The following KHNYN variants were observed in gnomAD, a reference collection of about 807,000 sequenced individuals.
KHNYN encodes the protein protein KHNYN.
In KHNYN, 42 loss-of-function variants were observed where a neutral mutation model predicts 62.7. That is an observed-to-expected ratio of 0.67 (90% CI 0.52 to 0.87). The LOEUF (loss-of-function observed/expected upper bound fraction) is 0.87. KHNYN is among the 40% of genes least tolerant of loss of function. The pLI is 0.00. For synonymous variants in KHNYN, 347 were observed against 345.6 expected, an observed-to-expected ratio of 1.00 and a Z score of -0.04; for missense variants, 829 against 874.1, an observed-to-expected ratio of 0.95 and a Z score of 0.65.
rs2043132458 is a variant in KHNYN, at chr14:24,432,277, G to A, written c.1016G>A (p.Arg339Gln). ...TCCTGTCACAGGGCAGCTCAGTCCC[G>A]AGGAGCCTCCCTCCTCCAGCGGCTC... ...HGSCHRAAQS[R>Q]GASLLQRLHN... The change falls in exon 3 of 8, where the codon CGA (arginine) becomes CAA (glutamine). Residue 339 changes from arginine (R) to glutamine (Q), a missense_variant. Arg to Gln is a conservative substitution (Grantham distance 43, BLOSUM62 1). This residue lies in a region of KHNYN where 559 missense variants were observed against 527.0 expected (regional missense o/e 1.06). Transcript: ENST00000553935. The surrounding 1 kb of genome is among the most constrained non-coding windows in gnomAD (Gnocchi z 5.6). The A allele has an allele frequency of 3.7e-6, 6 of 1,613,628 alleles. No individual in the cohort carries two copies. Among genetic ancestry groups the A allele is most frequent in the Non-Finnish European group, 3.4e-6 (4 of 1,179,820 alleles).
In KHNYN at chr14:24,430,035, C is replaced by G; in HGVS notation, c.-102C>G. On this transcript the variant is annotated 5_prime_UTR_variant, in exon 1 of 8. Transcript: ENST00000553935. Reference sequence around the variant, plus strand: ...CCCGCCCAGATTCGGGCCCCCTGCCCTTGTCCCCTGGGCTGGGGGCGCGGG... The same window carrying G: ...CCCGCCCAGATTCGGGCCCCCTGCCGTTGTCCCCTGGGCTGGGGGCGCGGG... 1 of 985,680 alleles carries G rather than the reference C, an allele frequency of 1.0e-6. No homozygotes were observed. Among genetic ancestry groups the G allele is most frequent in the Non-Finnish European group, 1.2e-6 (1 of 830,068 alleles). 61.1% of individuals were successfully genotyped at this position (985,680 alleles called of 1,614,324 possible). A position where few individuals can be genotyped will look rare whatever the true frequency, so the allele number is the denominator to read the frequency against.
rs2043310389 is a variant in KHNYN at position 24,440,763 on chromosome 14, T to C, written c.*3478T>C. Reference sequence around the variant, plus strand: ...GAGAAGACATTCCAACCCTGTCTGATACCCAGGCCCGTTTCTCACCTGAGC... The same window carrying C: ...GAGAAGACATTCCAACCCTGTCTGACACCCAGGCCCGTTTCTCACCTGAGC... On this transcript the variant is annotated 3_prime_UTR_variant, in exon 8 of 8. Coordinates refer to ENST00000553935, the MANE Select transcript of KHNYN (RefSeq NM_015299.3). 2.5e-6 allele frequency: 4 copies of C among 1,612,532 alleles called. No individual in the cohort carries two copies. Among genetic ancestry groups the C allele is most frequent in the Non-Finnish European group, 3.4e-6 (4 of 1,179,020 alleles).
intron 1 of KHNYN, chr14:24,430,363 C>T: frequency 2.2e-6 from 2 of 925,784 alleles, no homozygotes; most frequent in Non-Finnish European, 1.3e-6. Context: ...GTTCAATCCC[C>T]TGCTGAGGAT....
In KHNYN at chr14:24,432,328, G is replaced by C. The variant is rs1388482618; in HGVS notation, c.1067G>C (p.Arg356Thr). The change falls in exon 3 of 8, where the codon AGG becomes ACG. Residue 356 changes from arginine (R) to threonine (T), a missense_variant. Coordinates refer to ENST00000553935, the MANE Select transcript of KHNYN (RefSeq NM_015299.3). The surrounding 1 kb of genome is among the most constrained non-coding windows in gnomAD (Gnocchi z 5.6). ...CACAATGGGAATGCCTCTCCTCCGA[G>C]GGTGCCCAGCCCTCCACCTGCACCG... is the stretch of plus-strand genomic sequence containing the variant. ...RLHNGNASPP[R>T]VPSPPPAPEP... The C allele has an allele frequency of 1.9e-6, 3 of 1,614,060 alleles. No individual in the cohort carries two copies. The highest frequency in any genetic ancestry group is 2.5e-6 in the Non-Finnish European group (3 of 1,179,992).
In KHNYN at chr14:24,441,111, C is replaced by T. The variant is rs112035490; in HGVS notation, c.*3826C>T. 4 of 728,522 alleles carry T rather than the reference C, an allele frequency of 5.5e-6. No individual in the cohort carries two copies. Among genetic ancestry groups the T allele is most frequent in the East Asian group, 5.5e-5 (2 of 36,390 alleles). The allele number at this position is 728,522 out of a possible 1,614,324, so 45.1% of individuals were successfully genotyped here. On this transcript the variant is annotated 3_prime_UTR_variant, in exon 8 of 8. Coordinates refer to ENST00000553935, the MANE Select transcript of KHNYN (RefSeq NM_015299.3). The stretch of plus-strand genomic sequence containing the variant: ...GAAGCGTTCCTTCCCTGGAGGAACT[C>T]TGGTTGCAGGGCTAAACTTAGAGGC...
chr14:24,429,523 C>A (rs2043065411), upstream of KHNYN: 2 of 447,334 alleles, frequency 4.5e-6, no homozygotes, highest in South Asian at 3.4e-5. Context: ...AAATCAACAG[C>A]CCTTCTTCGT....
upstream of KHNYN, chr14:24,429,481 C>T: frequency 2.1e-6 from 1 of 470,682 alleles, no homozygotes; most frequent in South Asian, 1.6e-5. Flanking sequence ...CAACCCCTTC[C>T]TCCTACTCTT....
chr14:24,428,879 G>A (rs776663495), upstream of KHNYN: 7 of 1,602,388 alleles, frequency 4.4e-6, no homozygotes, highest in Admixed American at 1.7e-5. Flanking sequence ...TGCTCCCCCG[G>A]GCCCCCCTGC....
At chr14:24,428,325 C>A, upstream of KHNYN, 2 of 1,613,916 alleles carry the variant, frequency 1.2e-6, no homozygotes, top group Middle Eastern at 1.6e-4. Context: ...CCACATGGAA[C>A]CGGAAGCTGT....
Position 24,437,381 on chromosome 14 carries a change from G to T in KHNYN, c.*96G>T. 1.4e-6 allele frequency: 2 copies of T among 1,443,718 alleles called. No homozygotes were observed. The highest frequency in any genetic ancestry group is 1.9e-6 in the Non-Finnish European group (2 of 1,072,168). The allele number at this position is 1,443,718 out of a possible 1,614,324, so 89.4% of individuals were successfully genotyped here. On this transcript the variant is annotated 3_prime_UTR_variant, in exon 8 of 8. Coordinates refer to ENST00000553935, the MANE Select transcript of KHNYN (RefSeq NM_015299.3). The surrounding 1 kb of genome is among the most constrained non-coding windows in gnomAD (Gnocchi z 5.5). ...TCCCTCTGCTGCTCACTCTGATCCA[G>T]AGGCACCCTGAGTTGGTGCTTTGGA...
chr14:24,437,064 C>G lies in KHNYN; in HGVS notation c.1816C>G (p.Pro606Ala). Residue 606 changes from proline (P) to alanine (A), a missense_variant, in exon 8 of 8, where the codon CCT becomes GCT. Transcript: ENST00000553935. This position sits in a 1 kb window ranked among gnomAD's most constrained non-coding sequence, Gnocchi z 5.5. ...RTQGSSKAQH[P>A]SRGFAEHGKQ... Reference sequence around the variant, plus strand: ...ACAGGGGTCTTCTAAGGCTCAGCATCCTTCCAGGGGCTTTGCAGAACATGG... The same window carrying G: ...ACAGGGGTCTTCTAAGGCTCAGCATGCTTCCAGGGGCTTTGCAGAACATGG... The G allele has an allele frequency of 6.2e-7, 1 of 1,614,150 alleles. No homozygotes were observed. The highest frequency in any genetic ancestry group is 8.5e-7 in the Non-Finnish European group (1 of 1,180,020).
intron 5 of KHNYN, chr14:24,434,168 G>C (rs932903751): frequency 1.0e-6 from 1 of 984,998 alleles, no homozygotes; most frequent in Non-Finnish European, 1.2e-6. Flanking sequence ...TGAAACTGAA[G>C]ATTGAGTTCG....
Position 24,439,948 on chromosome 14 carries a change from GAAC to G in KHNYN, c.*2666_*2668del, listed in dbSNP as rs1322608706. Reference sequence around the variant, plus strand: ...CTTGAGACAATAAGGTGGAGCAACAGAACAATGGGAAAGAGGACTGGGAGAGGA... The same window carrying G: ...CTTGAGACAATAAGGTGGAGCAACAGAATGGGAAAGAGGACTGGGAGAGGA... On this transcript the variant is annotated 3_prime_UTR_variant, in exon 8 of 8. Coordinates refer to ENST00000553935, the MANE Select transcript of KHNYN (RefSeq NM_015299.3). 11 of 695,912 alleles carry G rather than the reference GAAC, an allele frequency of 1.6e-5. No individual in the cohort carries two copies. The highest frequency in any genetic ancestry group is 2.6e-5 in the Non-Finnish European group (11 of 426,452). 43.1% of individuals were successfully genotyped at this position (695,912 alleles called of 1,614,324 possible).
Position 24,432,267 on chromosome 14 carries a change from G to C in KHNYN, c.1006G>C (p.Ala336Pro), listed in dbSNP as rs201147706. The C allele has an allele frequency of 6.4e-5, 103 of 1,613,368 alleles. No individual in the cohort carries two copies. The highest frequency in any genetic ancestry group is 8.6e-5 in the Non-Finnish European group (102 of 1,179,584). The change falls in exon 3 of 8, where the codon GCT becomes CCT. Residue 336 changes from alanine (A) to proline (P), a missense_variant. Physicochemically the swap from Ala to Pro is conservative, Grantham distance 27 (BLOSUM62 -1). Around this residue, in one of 2 missense-constraint regions of KHNYN, gnomAD observed 559 missense variants for 527.0 expected, o/e 1.06. Transcript: ENST00000553935. The surrounding 1 kb of genome is among the most constrained non-coding windows in gnomAD (Gnocchi z 5.6). ...TGCCCATGGCTCCTGTCACAGGGCA[G>C]CTCAGTCCCGAGGAGCCTCCCTCCT... ...PGAHGSCHRA[A>P]QSRGASLLQR...
chr14:24,423,467 G>A, the KHNYN span, among the ~76,000 whole-genome samples: 1 of 152,116 alleles, frequency 6.6e-6, no homozygotes, highest in Non-Finnish European at 1.5e-5. Flanking sequence ...AAGCAGAGAT[G>A]GGGAGGAAGG....
chr14:24,428,266 G>T, upstream of KHNYN: 1 of 1,612,608 alleles, frequency 6.2e-7, no homozygotes, highest in South Asian at 1.1e-5. Context: ...GCCGGGGATG[G>T]GGGCCAGTGC....
chr14:24,435,914 T>C (rs1441049725), intron 5 of KHNYN, 158 bp from the exon 6 acceptor site: 5 of 632,400 alleles, frequency 7.9e-6, no homozygotes, highest in Non-Finnish European at 1.4e-5. Flanking sequence ...TACTTTTATT[T>C]TTGTAGATTT....
Position 24,430,056 on chromosome 14 carries a change from G to T in KHNYN, c.-81G>T. The T allele has an allele frequency of 1.0e-6, 1 of 985,428 alleles. No homozygotes were observed. The highest frequency in any genetic ancestry group is 1.2e-6 in the Non-Finnish European group (1 of 829,962). 61.0% of individuals were successfully genotyped at this position (985,428 alleles called of 1,614,324 possible). A position where few individuals can be genotyped will look rare whatever the true frequency, so the allele number is the denominator to read the frequency against. On this transcript the variant is annotated 5_prime_UTR_variant, in exon 1 of 8. Coordinates refer to ENST00000553935, the MANE Select transcript of KHNYN (RefSeq NM_015299.3). Reference sequence around the variant, plus strand: ...TGCCCTTGTCCCCTGGGCTGGGGGCGCGGGCAAAGCGGGGGCCTGGCGGGC... The same window carrying T: ...TGCCCTTGTCCCCTGGGCTGGGGGCTCGGGCAAAGCGGGGGCCTGGCGGGC...
In KHNYN at chr14:24,429,956, T is replaced by A; in HGVS notation, c.-181T>A. The A allele has an allele frequency of 1.0e-6, 1 of 993,802 alleles. No individual in the cohort carries two copies. The highest frequency in any genetic ancestry group is 1.2e-6 in the Non-Finnish European group (1 of 834,378). 61.6% of individuals were successfully genotyped at this position (993,802 alleles called of 1,614,324 possible). Reference sequence around the variant, plus strand: ...GGCCAGGAAGTGACTCAAGAAACAGTTTGCGTGCGATGTGGACAAGAGAGG... The same window carrying A: ...GGCCAGGAAGTGACTCAAGAAACAGATTGCGTGCGATGTGGACAAGAGAGG... On this transcript the variant is annotated 5_prime_UTR_variant, in exon 1 of 8. Transcript: ENST00000553935.
Sources: gnomAD v4.1 joint callset for allele counts (sites outside exome capture counted in the v4.1 genomes callset) on GRCh38, gnomAD v4.1.1 for gene constraint, gnomAD v4.1.1 regional missense constraint, Gnocchi (gnomAD v3.1) non-coding constraint, MANE v1.5 for transcripts, NCBI Gene and HGNC (gene_info 2026-07-23, HGNC 2026-07-21) for gene names.